The following ADK variants were observed in gnomAD, a reference collection of about 807,000 sequenced individuals.
The protein encoded by ADK is adenosine kinase, also known as N6,N6-dimethyladenosine kinase.
ADK carries 24 observed loss-of-function variants against 44.7 expected under a neutral mutation model. The ratio of observed to expected loss-of-function variants is 0.54; its 90% CI spans 0.39 to 0.76. ADK has a LOEUF of 0.76. Ranked by LOEUF, ADK falls within the 30% of genes least tolerant of loss-of-function variation. The pLI is 0.00. For synonymous variants in ADK, 128 were observed against 142.6 expected, an observed-to-expected ratio of 0.90 and a Z score of 0.73; for missense variants, 321 against 425.1, an observed-to-expected ratio of 0.76 and a Z score of 2.15.
intron 3 of ADK, among the ~76,000 whole-genome samples, chr10:74,261,968 T>C (rs1846054521): frequency 6.6e-6 from 1 of 152,104 alleles, no homozygotes; most frequent in Non-Finnish European, 1.5e-5. Flanking sequence ...TATGAGTTAT[T>C]TTTATTAGCC....
intron 2 of ADK, among the ~76,000 whole-genome samples, chr10:74,214,394 T>A (rs1176248401): frequency 6.6e-6 from 1 of 152,246 alleles, no homozygotes; most frequent in Non-Finnish European, 1.5e-5. Flanking sequence ...AAAACTTTAC[T>A]TGATACTGTT....
chr10:74,699,477 A>C (rs1039360769), intron 10 of ADK, among the ~76,000 whole-genome samples: 1 of 152,166 alleles, frequency 6.6e-6, no homozygotes, highest in African/African-American at 2.4e-5. Flanking sequence ...CAGGAGTTCA[A>C]GACCAGCCTG....
intron 6 of ADK, among the ~76,000 whole-genome samples, chr10:74,472,435 A>G (rs1332247188): frequency 6.6e-6 from 1 of 152,078 alleles, no homozygotes; most frequent in Non-Finnish European, 1.5e-5. Flanking sequence ...GATGTCTGAT[A>G]AGATTCTTCT....
intron 3 of ADK, among the ~76,000 whole-genome samples, chr10:74,288,299 GGA>G (rs1847267718): frequency 6.6e-6 from 1 of 152,082 alleles, no homozygotes; most frequent in Admixed American, 6.6e-5. Flanking sequence ...GTTGCCTATT[GGA>G]ATCTTAAATG....
At chr10:74,656,725 T>C (rs959017760) in intron 9 of ADK, among the ~76,000 whole-genome samples, 1 of 152,184 alleles carries the variant, frequency 6.6e-6, no homozygotes, top group Non-Finnish European at 1.5e-5. Flanking sequence ...CATGGGATAT[T>C]ATAGATGAAA....
intron 6 of ADK, among the ~76,000 whole-genome samples, chr10:74,456,061 G>A (rs1218350013): frequency 6.6e-6 from 1 of 152,012 alleles, no homozygotes; most frequent in Non-Finnish European, 1.5e-5. Context: ...GACCTACAAA[G>A]AGTCTTAGCC....
intron 6 of ADK, among the ~76,000 whole-genome samples, chr10:74,512,852 T>A (rs1404811580): frequency 3.3e-5 from 5 of 152,068 alleles, no homozygotes; most frequent in African/African-American, 4.8e-5. Flanking sequence ...TATCATCAAG[T>A]TGTTTACTTG....
chr10:74,246,521 C>A (rs758820409), intron 3 of ADK, among the ~76,000 whole-genome samples: 1 of 152,110 alleles, frequency 6.6e-6, no homozygotes, highest in South Asian at 2.1e-4. Flanking sequence ...GGAGACAGGA[C>A]AATAGAAAGA....
At chr10:74,707,062 G>A (rs957320483) in intron 10 of ADK, among the ~76,000 whole-genome samples, 1 of 152,020 alleles carries the variant, frequency 6.6e-6, no homozygotes, top group African/African-American at 2.4e-5. Context: ...TTGAGACAGG[G>A]TCCTACTCTG....
chr10:74,269,142 AT>A (rs566394124), intron 3 of ADK, among the ~76,000 whole-genome samples: 8 of 152,082 alleles, frequency 5.3e-5, no homozygotes, highest in African/African-American at 1.7e-4. Flanking sequence ...ATTTATCATA[AT>A]TTTTTTCCCC....
chr10:74,247,222 A>T (rs1591927434), intron 3 of ADK, among the ~76,000 whole-genome samples: 116 of 97,306 alleles, frequency 1.2e-3, no homozygotes, highest in South Asian at 1.5e-3. Flanking sequence ...TTTTTTTTTT[A>T]AGTTTTTTTT....
chr10:74,361,774 GT>G (rs2131944392), intron 4 of ADK, among the ~76,000 whole-genome samples: 1 of 152,212 alleles, frequency 6.6e-6, no homozygotes, highest in South Asian at 2.1e-4. Flanking sequence ...CTCAGCTTTT[GT>G]TTGTCTAAGA....
At chr10:74,180,151 T>C (rs1180129280) in intron 1 of ADK, among the ~76,000 whole-genome samples, 2 of 151,762 alleles carry the variant, frequency 1.3e-5, no homozygotes, top group African/African-American at 4.8e-5. Flanking sequence ...GGTCAGAATA[T>C]CTTGGGCCCC....
chr10:74,428,106 C>A (rs753370547), intron 6 of ADK, among the ~76,000 whole-genome samples: 1 of 152,114 alleles, frequency 6.6e-6, no homozygotes. Context: ...CTATGTTTAC[C>A]TGTCCAAATT....
chr10:74,381,649 C>G (rs1842979158), intron 4 of ADK, among the ~76,000 whole-genome samples: 1 of 152,178 alleles, frequency 6.6e-6, no homozygotes, highest in Non-Finnish European at 1.5e-5. Context: ...GAAATGTGCC[C>G]TAATGCTAAC....
intron 7 of ADK, among the ~76,000 whole-genome samples, chr10:74,570,199 A>T (rs1850892299): frequency 6.6e-6 from 1 of 151,954 alleles, no homozygotes; most frequent in Admixed American, 6.5e-5. Flanking sequence ...GTTTGAAGTC[A>T]GGTAGCGTGA....
In ADK at chr10:74,215,692, G is replaced by A. The variant is rs1179215772; in HGVS notation, c.141-8846G>A. 1.9e-4 allele frequency among the ~76,000 whole-genome samples: 26 copies of A among 135,048 alleles called. No homozygotes were observed. The East Asian group carries it at 5.6e-3, about 29-fold the overall frequency. 88.6% of individuals were successfully genotyped at this position (135,048 alleles called of 152,430 possible). On this transcript the variant is annotated intron_variant, in intron 2 of 10. Transcript: ENST00000539909. Reference sequence around the variant, plus strand: ...TTTTTTTTTTTTTTTTTAAGACAGAGTCTTGCTCTGTCACCCAGGCTAGAG... The same window carrying A: ...TTTTTTTTTTTTTTTTTAAGACAGAATCTTGCTCTGTCACCCAGGCTAGAG...
At chr10:74,341,662 G>A (rs1211604322) in intron 4 of ADK, among the ~76,000 whole-genome samples, 3 of 151,984 alleles carry the variant, frequency 2.0e-5, no homozygotes, top group Non-Finnish European at 4.4e-5. Context: ...TAAATCCAGT[G>A]TATGTTGGCT....
intron 7 of ADK, among the ~76,000 whole-genome samples, chr10:74,586,135 G>T (rs1851517923): frequency 6.6e-6 from 1 of 152,268 alleles, no homozygotes; most frequent in East Asian, 1.9e-4. Flanking sequence ...AATAAATGTT[G>T]TTCCATCATT....
Sources: gnomAD v4.1 joint callset for allele counts (sites outside exome capture counted in the v4.1 genomes callset) on GRCh38, gnomAD v4.1.1 for gene constraint, MANE v1.5 for transcripts, NCBI Gene and HGNC (gene_info 2026-07-23, HGNC 2026-07-21) for gene names.